The following OCLN variants were observed in gnomAD, a reference collection of about 807,000 sequenced individuals.
OCLN encodes the protein phosphatase 1, regulatory subunit 115.
In OCLN, 21 loss-of-function variants were observed where a neutral mutation model predicts 47.9. The observed-to-expected ratio is 0.44, with a 90% CI of 0.31 to 0.63. The LOEUF is 0.63. OCLN is among the 30% of genes least tolerant of loss of function. OCLN has a pLI of 0.08. For missense variants in OCLN, 360 were observed against 571.0 expected, an observed-to-expected ratio of 0.63 and a Z score of 3.77; for synonymous variants, 117 against 198.4, an observed-to-expected ratio of 0.59 and a Z score of 3.45.
chr5:69,517,752 G>A (rs945510632), intron 4 of OCLN, among the ~76,000 whole-genome samples: 2 of 152,198 alleles, frequency 1.3e-5, no homozygotes, highest in South Asian at 2.1e-4. Flanking sequence ...CCACTGAGAC[G>A]ATAGTTCTTA....
chr5:69,498,161 G>A (rs1768354819), intron 1 of OCLN, among the ~76,000 whole-genome samples: 1 of 151,730 alleles, frequency 6.6e-6, no homozygotes, highest in Non-Finnish European at 1.5e-5. Flanking sequence ...TATTAAATTA[G>A]TTCTCCTCTA....
At chr5:69,510,706 G>A (rs1768759207) in intron 3 of OCLN, among the ~76,000 whole-genome samples, 2 of 152,066 alleles carry the variant, frequency 1.3e-5, no homozygotes. Context: ...TCATGCTATA[G>A]ACATTCTTGT....
Position 69,509,441 on chromosome 5 carries a change from CTATGGCTATGGCTATGGT to C in OCLN, c.366_383del (p.Tyr124_Gly129del). On this transcript the variant is annotated inframe_deletion, in exon 3 of 9. Coordinates refer to ENST00000396442, the MANE Select transcript of OCLN (RefSeq NM_001205254.2). ...GTGGCTTTGGTAGCTACGGAAGTGG[CTATGGCTATGGCTATGGT>C]TATGGCTATGGCTACGGAGGCTATA... The C allele has an allele frequency of 6.2e-7, 1 of 1,613,886 alleles. No individual in the cohort carries two copies. The highest frequency in any genetic ancestry group is 8.5e-7 in the Non-Finnish European group (1 of 1,179,828).
chr5:69,512,154 A>G (rs565660867), intron 3 of OCLN, among the ~76,000 whole-genome samples: 10 of 152,108 alleles, frequency 6.6e-5, no homozygotes, highest in East Asian at 5.8e-4. Flanking sequence ...ATTTACTCCT[A>G]TGTTTTCTAT....
intron 4 of OCLN, among the ~76,000 whole-genome samples, chr5:69,530,999 C>A (rs1237212074): frequency 6.6e-6 from 1 of 152,226 alleles, no homozygotes; most frequent in East Asian, 1.9e-4. Context: ...CCCGCCCTTG[C>A]ATTTTCTACA....
intron 4 of OCLN, among the ~76,000 whole-genome samples, 190 bp downstream of exon 4, chr5:69,514,299 C>T (rs1338745702): frequency 1.3e-5 from 2 of 152,130 alleles, no homozygotes; most frequent in Non-Finnish European, 2.9e-5. Flanking sequence ...AGGTGAAAAT[C>T]AGATTTCCAT....
chr5:69,515,631 G>A (rs1412755069), intron 4 of OCLN, among the ~76,000 whole-genome samples: 1 of 151,352 alleles, frequency 6.6e-6, no homozygotes, highest in African/African-American at 2.4e-5. Context: ...GGCCGGGCGG[G>A]GGGCTGACCC....
At chr5:69,498,675 CT>C (rs200187708) in intron 1 of OCLN, among the ~76,000 whole-genome samples, 62 of 148,758 alleles carry the variant, frequency 4.2e-4, no homozygotes, top group Admixed American at 8.1e-4. Context: ...CTCTTGTATA[CT>C]TTTTTTTTTA....
intron 4 of OCLN, among the ~76,000 whole-genome samples, chr5:69,533,612 C>A (rs1191252234): frequency 2.6e-5 from 4 of 152,158 alleles, no homozygotes; most frequent in Non-Finnish European, 5.9e-5. Context: ...AAAGGGCTTA[C>A]ATTCCTCAGA....
chr5:69,496,767 T>C (rs139569569), intron 1 of OCLN, among the ~76,000 whole-genome samples: 1 of 152,246 alleles, frequency 6.6e-6, no homozygotes, highest in African/African-American at 2.4e-5. Context: ...TCAGTAAACA[T>C]TGTCAAGGGG....
Position 69,512,560 on chromosome 5 carries a change from A to G in OCLN, c.730-1388A>G, listed in dbSNP as rs564410216. On this transcript the variant is annotated intron_variant, in intron 3 of 8. Transcript: ENST00000396442. ...CTTGCATTTCCATATGGATTTTAAGATCAGCATGTCAATTTTGGAAAAAAA... is the reference window on the plus strand; with the variant it reads ...CTTGCATTTCCATATGGATTTTAAGGTCAGCATGTCAATTTTGGAAAAAAA... Among the ~76,000 whole-genome samples the G allele has an allele frequency of 2.0e-5, 3 of 152,338 alleles. No individual in the cohort carries two copies. The South Asian group carries it at 6.2e-4, about 32-fold the overall frequency.
chr5:69,517,139 C>T (rs550452137), intron 4 of OCLN, among the ~76,000 whole-genome samples: 1 of 152,042 alleles, frequency 6.6e-6, no homozygotes, highest in South Asian at 2.1e-4. Flanking sequence ...TAGAAGCTAC[C>T]TCAGAAACTG....
intron 4 of OCLN, among the ~76,000 whole-genome samples, chr5:69,516,071 C>T (rs1288200633): frequency 1.3e-5 from 2 of 151,216 alleles, no homozygotes; most frequent in South Asian, 4.2e-4. Context: ...CAGGCAGAGA[C>T]GCTCCTCACT....
At chr5:69,495,242 T>G (rs968306450) in intron 1 of OCLN, among the ~76,000 whole-genome samples, 2 of 152,170 alleles carry the variant, frequency 1.3e-5, no homozygotes, top group Non-Finnish European at 2.9e-5. Context: ...AAACAGACCA[T>G]GCAGATTTAT....
chr5:69,498,997 A>T (rs921902414), intron 1 of OCLN, among the ~76,000 whole-genome samples: 1 of 152,054 alleles, frequency 6.6e-6, no homozygotes, highest in Non-Finnish European at 1.5e-5. Flanking sequence ...GACTTTAAAT[A>T]ATCTCTAGTT....
intron 1 of OCLN, among the ~76,000 whole-genome samples, chr5:69,499,115 T>A (rs1768386648): frequency 6.6e-6 from 1 of 152,210 alleles, no homozygotes; most frequent in South Asian, 2.1e-4. Flanking sequence ...GTATTACTGT[T>A]ACTCAGGCTG....
At chr5:69,530,585 C>T (rs1769402454) in intron 4 of OCLN, 1 of 151,882 alleles carries the variant, frequency 6.6e-6, no homozygotes, top group Non-Finnish European at 1.5e-5. Context: ...CTGTTGGAGT[C>T]TGGCATCAGC....
Position 69,493,379 on chromosome 5 carries a change from A to T in OCLN, c.-69+479A>T, listed in dbSNP as rs1292175526. ...CCGGGCGGCTTAGATCCCGGGGGGA[A>T]TTTCATTCCTTCCGCTCCCACCCCA... On this transcript the variant is annotated intron_variant, in intron 1 of 8. Coordinates refer to ENST00000396442, the MANE Select transcript of OCLN (RefSeq NM_001205254.2). This position sits in a 1 kb window ranked among gnomAD's most constrained non-coding sequence, Gnocchi z 5.3. 1.3e-5 allele frequency among the ~76,000 whole-genome samples: 2 copies of T among 151,748 alleles called. No homozygotes were observed. The highest frequency in any genetic ancestry group is 2.9e-5 in the Non-Finnish European group (2 of 67,936).
chr5:69,505,083 T>C (rs1768561925), intron 2 of OCLN, among the ~76,000 whole-genome samples: 1 of 151,980 alleles, frequency 6.6e-6, no homozygotes, highest in Admixed American at 6.6e-5. Flanking sequence ...AACCCCCATC[T>C]CTACTGAAAA....
Sources: allele counts gnomAD v4.1 joint callset (sites outside exome capture counted in the v4.1 genomes callset), GRCh38; gene constraint gnomAD v4.1.1; non-coding constraint Gnocchi (gnomAD v3.1); transcripts MANE v1.5; gene names NCBI Gene and HGNC (gene_info 2026-07-23, HGNC 2026-07-21).